Variants in CSMD1 observed in about 807,000 individuals in gnomAD.
CSMD1 encodes the protein CUB and sushi domain-containing protein 1.
Under a neutral mutation model 417.5 loss-of-function variants are expected in CSMD1, and 213 were observed. The ratio of observed to expected loss-of-function variants is 0.51; its 90% CI spans 0.46 to 0.57. The LOEUF is 0.57. Ranked by LOEUF, CSMD1 falls within the 20% of genes least tolerant of loss-of-function variation. The pLI is 0.00. For synonymous variants in CSMD1, 2,862 were observed against 1,736.8 expected, an observed-to-expected ratio of 1.65 and a Z score of -16.11; for missense variants, 6,923 against 4,529.7, an observed-to-expected ratio of 1.53 and a Z score of -15.17.
At chr8:4,927,978 C>G (rs1806984326) in intron 1 of CSMD1, among the ~76,000 whole-genome samples, 1 of 152,186 alleles carries the variant, frequency 6.6e-6, no homozygotes, top group South Asian at 2.1e-4. Context: ...AGACCCAAGT[C>G]TGTGTAAAGC....
chr8:4,310,569 C>G (rs964254472), intron 3 of CSMD1, among the ~76,000 whole-genome samples: 1 of 152,160 alleles, frequency 6.6e-6, no homozygotes. Flanking sequence ...ATGACATTTA[C>G]ATTTTTGAAA....
intron 23 of CSMD1, among the ~76,000 whole-genome samples, chr8:3,312,960 A>G (rs1805464949): frequency 6.6e-6 from 1 of 152,244 alleles, no homozygotes; most frequent in Non-Finnish European, 1.5e-5. Flanking sequence ...TTTAAAGACT[A>G]GAATATAATC....
At chr8:3,586,360 C>T (rs558907752) in intron 8 of CSMD1, 100 bp from the exon 9 acceptor site, 1 of 1,153,998 alleles carries the variant, frequency 8.7e-7, no homozygotes, top group African/African-American at 1.6e-5. Context: ...CGATCTTGTT[C>T]AGTTAAAACA....
chr8:4,162,910 C>A (rs1797252350), intron 3 of CSMD1, among the ~76,000 whole-genome samples: 1 of 152,178 alleles, frequency 6.6e-6, no homozygotes, highest in South Asian at 2.1e-4. Flanking sequence ...CTTCCTCCAA[C>A]CCTTTGCAAC....
chr8:3,182,721 G>T (rs927286094), intron 36 of CSMD1, among the ~76,000 whole-genome samples: 6 of 130,308 alleles, frequency 4.6e-5, no homozygotes, highest in African/African-American at 1.7e-4. Flanking sequence ...AGTAGAGAAG[G>T]ACTCTGGCTG....
chr8:3,162,449 A>T (rs1261241033), intron 37 of CSMD1, among the ~76,000 whole-genome samples, 172 bp from the exon 38 acceptor site: 6 of 152,218 alleles, frequency 3.9e-5, no homozygotes, highest in Non-Finnish European at 5.9e-5. Context: ...AATCAGAGCT[A>T]TGAGTTAATT....
chr8:3,873,549 C>T (rs1374672709), intron 5 of CSMD1, among the ~76,000 whole-genome samples: 2 of 152,042 alleles, frequency 1.3e-5, no homozygotes, highest in South Asian at 2.1e-4. Flanking sequence ...CTGAGACCTA[C>T]TGCAGGGTGG....
intron 5 of CSMD1, among the ~76,000 whole-genome samples, chr8:3,828,897 G>A (rs1802209372): frequency 6.6e-6 from 1 of 152,096 alleles, no homozygotes; most frequent in East Asian, 1.9e-4. Context: ...CATGTTCACT[G>A]TAGTGGCCTT....
At chr8:4,353,709 C>T (rs893628619) in intron 3 of CSMD1, among the ~76,000 whole-genome samples, 9 of 151,934 alleles carry the variant, frequency 5.9e-5, no homozygotes, top group Middle Eastern at 3.4e-3. Context: ...GAAAAATCTT[C>T]TTTGTGAACC....
At chr8:4,674,892 C>T (rs950173618) in intron 1 of CSMD1, among the ~76,000 whole-genome samples, 4 of 152,124 alleles carry the variant, frequency 2.6e-5, no homozygotes, top group African/African-American at 7.2e-5. Flanking sequence ...GGTGGAGACT[C>T]TCATGATGGC....
chr8:3,956,648 G>C (rs1811968585), intron 5 of CSMD1, among the ~76,000 whole-genome samples: 1 of 152,032 alleles, frequency 6.6e-6, no homozygotes, highest in Admixed American at 6.6e-5. Context: ...TTTCATTTTT[G>C]GATAAGACGA....
At chr8:3,385,701 A>C (rs757144167) in intron 18 of CSMD1, among the ~76,000 whole-genome samples, 5 of 152,176 alleles carry the variant, frequency 3.3e-5, no homozygotes, top group Non-Finnish European at 7.4e-5. Context: ...TTTAGAGTTT[A>C]TGTTTAAATA....
chr8:4,412,183 C>A (rs1315208988), intron 3 of CSMD1, among the ~76,000 whole-genome samples: 2 of 152,124 alleles, frequency 1.3e-5, no homozygotes, highest in African/African-American at 4.8e-5. Context: ...TATCTGTCAA[C>A]GTGCAAACCT....
chr8:4,762,071 T>C (rs1447188388), intron 1 of CSMD1, among the ~76,000 whole-genome samples: 1 of 152,038 alleles, frequency 6.6e-6, no homozygotes, highest in Non-Finnish European at 1.5e-5. Flanking sequence ...TCTCAAATGA[T>C]GTAAGTATAG....
intron 5 of CSMD1, among the ~76,000 whole-genome samples, chr8:3,838,896 T>C (rs1802903072): frequency 1.9e-5 from 1 of 51,860 alleles, no homozygotes; most frequent in African/African-American, 1.2e-4. Context: ...TAATATATAA[T>C]AATATATACT....
chr8:3,714,049 T>TAGATAGATAGAC (rs1801680169), intron 6 of CSMD1, among the ~76,000 whole-genome samples: 1 of 151,574 alleles, frequency 6.6e-6, no homozygotes, highest in Non-Finnish European at 1.5e-5. Context: ...GATAGATAGA[T>TAGATAGATAGAC]AGATAGATAG....
chr8:4,406,955 T>G (rs1392607868), intron 3 of CSMD1, among the ~76,000 whole-genome samples: 1 of 152,150 alleles, frequency 6.6e-6, no homozygotes. Flanking sequence ...GGGAAGAGTA[T>G]CTTGTTTCCT....
chr8:3,779,105 T>C (rs563398568), intron 5 of CSMD1, among the ~76,000 whole-genome samples: 9 of 152,084 alleles, frequency 5.9e-5, no homozygotes, highest in Non-Finnish European at 1.3e-4. Flanking sequence ...ACTCCTAATG[T>C]CTATTTTTCA....
chr8:4,059,623 C>A lies in CSMD1; in HGVS notation c.416-27524G>T, dbSNP rs539697758. Among the ~76,000 whole-genome samples the A allele has an allele frequency of 1.3e-3, 192 of 152,136 alleles. 1 individual carries two copies. The highest frequency in any genetic ancestry group is 4.6e-3 in the African/African-American group (190 of 41,506). On this transcript the variant is annotated intron_variant, in intron 3 of 69. Coordinates refer to ENST00000635120, the MANE Select transcript of CSMD1 (RefSeq NM_033225.6). ...TGATAAAGGGGATATCACCACCGATCCCACAGAAATACAAACTGCCATCAG... is the reference window on the plus strand; with the variant it reads ...TGATAAAGGGGATATCACCACCGATACCACAGAAATACAAACTGCCATCAG...
Sources: allele counts gnomAD v4.1 joint callset (sites outside exome capture counted in the v4.1 genomes callset), GRCh38; gene constraint gnomAD v4.1.1; transcripts MANE v1.5; gene names NCBI Gene and HGNC (gene_info 2026-07-23, HGNC 2026-07-21).